The following ZDHHC21 variants were observed in gnomAD, a reference collection of about 807,000 sequenced individuals.
ZDHHC21 encodes the protein palmitoyltransferase ZDHHC21.
A neutral mutation model predicts 34.6 loss-of-function variants in ZDHHC21; 15 were observed. That is an observed-to-expected ratio of 0.43 (90% CI 0.29 to 0.67). The LOEUF is 0.67. ZDHHC21 is among the 30% of genes least tolerant of loss of function. The pLI is 0.14. For missense variants in ZDHHC21, 344 were observed against 327.7 expected (o/e 1.05, Z -0.38); for synonymous variants, 142 against 101.8 (o/e 1.40, Z -2.38).
chr9:14,684,280 C>G (rs1011016630), intron 2 of ZDHHC21, among the ~76,000 whole-genome samples: 3 of 151,862 alleles, frequency 2.0e-5, no homozygotes, highest in African/African-American at 7.3e-5. Flanking sequence ...TTGCAGATGA[C>G]ATGATTGTGT....
At chr9:14,646,417 A>G (rs1346350740) in intron 7 of ZDHHC21, among the ~76,000 whole-genome samples, 5 of 152,244 alleles carry the variant, frequency 3.3e-5, no homozygotes. Flanking sequence ...TTAGAAAACC[A>G]AACTCTTAAA....
chr9:14,685,490 A>T (rs979886833), intron 2 of ZDHHC21, among the ~76,000 whole-genome samples: 4 of 151,928 alleles, frequency 2.6e-5, no homozygotes, highest in African/African-American at 7.3e-5. Flanking sequence ...AATGCAAATC[A>T]AAACCACAAT....
the ZDHHC21 span, chr9:14,589,920 T>C: frequency 6.6e-6 from 1 of 152,118 alleles, no homozygotes; most frequent in African/African-American, 2.4e-5. Context: ...TAAACTTTAC[T>C]AAATATGGGA....
At chr9:14,598,979 T>C in the ZDHHC21 span, among the ~76,000 whole-genome samples, 1 of 152,120 alleles carries the variant, frequency 6.6e-6, no homozygotes, top group African/African-American at 2.4e-5. Flanking sequence ...CCCAGGATGG[T>C]CTCGAACTCC....
chr9:14,601,142 T>A, the ZDHHC21 span, among the ~76,000 whole-genome samples: 6 of 152,030 alleles, frequency 3.9e-5, no homozygotes, highest in African/African-American at 1.5e-4. Context: ...AAGCCAAAAT[T>A]GACAAATGGG....
intron 3 of ZDHHC21, among the ~76,000 whole-genome samples, chr9:14,678,737 AAT>A (rs1189464957): frequency 2.0e-5 from 3 of 152,264 alleles, no homozygotes; most frequent in African/African-American, 7.2e-5. Flanking sequence ...CACTTTCTGT[AAT>A]CACAAAAATA....
At chr9:14,635,403 G>A (rs1008483718) in intron 8 of ZDHHC21, among the ~76,000 whole-genome samples, 5 of 152,134 alleles carry the variant, frequency 3.3e-5, no homozygotes, top group African/African-American at 1.2e-4. Context: ...ACTATCAAAA[G>A]TCAAAGACAG....
the ZDHHC21 span, among the ~76,000 whole-genome samples, chr9:14,597,561 G>A: frequency 6.6e-6 from 1 of 152,104 alleles, no homozygotes; most frequent in Non-Finnish European, 1.5e-5. Flanking sequence ...GGAGACCCAG[G>A]GACCAGCTTG....
chr9:14,659,172 T>C (rs1315507206), intron 6 of ZDHHC21, among the ~76,000 whole-genome samples: 1 of 152,014 alleles, frequency 6.6e-6, no homozygotes, highest in Admixed American at 6.5e-5. Context: ...GTGTCACTGA[T>C]ATGGAAACAG....
intron 8 of ZDHHC21, among the ~76,000 whole-genome samples, chr9:14,638,713 G>C (rs1828747326): frequency 6.6e-6 from 1 of 151,802 alleles, no homozygotes; most frequent in African/African-American, 2.4e-5. Flanking sequence ...CATAGGACAT[G>C]AATATGCATA....
At chr9:14,620,604 C>A (rs190582622) in intron 8 of ZDHHC21, among the ~76,000 whole-genome samples, 1 of 151,908 alleles carries the variant, frequency 6.6e-6, no homozygotes, top group Admixed American at 6.6e-5. Flanking sequence ...CTTGCAGCTA[C>A]AGGTAAAATC....
rs1832827415 is a variant in ZDHHC21 at position 14,658,786 on chromosome 9, T to C, written c.467A>G (p.His156Arg). ...TTTTAGTGGAAGAAAATAGTAATAG[T>C]GGCAGAAAGAAAACATCAGTGCGTA... ...TCYALMFSFC[H>R]YYYFLPLKKR... Residue 156 changes from histidine to arginine, a missense_variant, in exon 7 of 10, where the codon CAC (histidine) becomes CGC (arginine). Physicochemically the swap from His to Arg is conservative, Grantham distance 29. Coordinates refer to ENST00000380916, the MANE Select transcript of ZDHHC21 (RefSeq NM_178566.6). The C allele has an allele frequency of 6.2e-7, 1 of 1,613,874 alleles. No individual in the cohort carries two copies. The highest frequency in any genetic ancestry group is 8.5e-7 in the Non-Finnish European group (1 of 1,179,938).
intron 8 of ZDHHC21, among the ~76,000 whole-genome samples, chr9:14,621,518 G>A (rs912152705): frequency 1.3e-5 from 2 of 152,078 alleles, no homozygotes; most frequent in South Asian, 4.2e-4. Flanking sequence ...ATCATCATAA[G>A]CATGGTTATT....
intron 2 of ZDHHC21, among the ~76,000 whole-genome samples, chr9:14,681,422 G>A (rs1837351955): frequency 6.6e-6 from 1 of 152,064 alleles, no homozygotes; most frequent in Non-Finnish European, 1.5e-5. Flanking sequence ...GCTGGTCATA[G>A]CCTACTAAAC....
At chr9:14,628,909 C>G (rs901769974) in intron 8 of ZDHHC21, among the ~76,000 whole-genome samples, 1 of 152,100 alleles carries the variant, frequency 6.6e-6, no homozygotes, top group Non-Finnish European at 1.5e-5. Context: ...CTCAAAGAAT[C>G]TTAAATCAAT....
chr9:14,632,494 C>G (rs978327298), intron 8 of ZDHHC21, among the ~76,000 whole-genome samples: 3 of 151,420 alleles, frequency 2.0e-5, no homozygotes, highest in Admixed American at 1.3e-4. Context: ...CAATAAAACC[C>G]TTAGAAGAAA....
intron 2 of ZDHHC21, among the ~76,000 whole-genome samples, chr9:14,683,297 C>T (rs569191743): frequency 2.4e-4 from 35 of 147,422 alleles, no homozygotes; most frequent in South Asian, 1.6e-3. Context: ...ATTGATAGAC[C>T]GCTAGCAAGA....
intron 6 of ZDHHC21, among the ~76,000 whole-genome samples, chr9:14,661,169 T>C (rs930120014): frequency 4.6e-5 from 7 of 152,226 alleles, no homozygotes; most frequent in Non-Finnish European, 8.8e-5. Context: ...AAAATGCTTT[T>C]ATCGAAAATG....
intron 2 of ZDHHC21, among the ~76,000 whole-genome samples, chr9:14,682,353 A>G (rs1203006009): frequency 1.3e-5 from 2 of 152,220 alleles, no homozygotes; most frequent in East Asian, 3.8e-4. Flanking sequence ...AAGATCTACC[A>G]AGCAAATGGA....
Sources: gnomAD v4.1 joint callset for allele counts (sites outside exome capture counted in the v4.1 genomes callset) on GRCh38, gnomAD v4.1.1 for gene constraint, MANE v1.5 for transcripts, NCBI Gene and HGNC (gene_info 2026-07-23, HGNC 2026-07-21) for gene names.